The following PRDM10 variants were observed in gnomAD, a reference collection of about 807,000 sequenced individuals.
PRDM10 encodes PR/SET domain 10.
In PRDM10, 65 loss-of-function variants were observed where a neutral mutation model predicts 133.1. The observed-to-expected ratio is 0.49, with a 90% CI of 0.40 to 0.60. The LOEUF (loss-of-function observed/expected upper bound fraction) is 0.60, where lower values mean the gene tolerates loss of function less well. PRDM10 is among the 20% of genes least tolerant of loss of function. PRDM10 has a pLI of 0.00. For synonymous variants in PRDM10, 582 were observed against 580.4 expected, an observed-to-expected ratio of 1.00 and a Z score of -0.04; for missense variants, 1,137 against 1,507.1, an observed-to-expected ratio of 0.75 and a Z score of 4.07.
chr11:129,932,242 G>A lies in PRDM10; in HGVS notation c.1158-11C>T. The A allele has an allele frequency of 6.2e-7, 1 of 1,613,554 alleles. No homozygotes were observed. Among genetic ancestry groups the A allele is most frequent in the Non-Finnish European group, 8.5e-7 (1 of 1,179,566 alleles). ...CCTCTGCCTCTTGTTCTGGGGACAA[G>A]AGATTGGGTTACAGGTCGTCATGGT... On this transcript the variant is annotated splice_polypyrimidine_tract_variant and intron_variant, in intron 9 of 20. Transcript: ENST00000360871.
rs1381292674 is a variant in PRDM10, at chr11:129,912,159, A to G, written c.2908T>C (p.Tyr970His). Residue 970 changes from tyrosine to histidine, a missense_variant, in exon 18 of 21, where the codon TAC (tyrosine) becomes CAC (histidine). Physicochemically the swap from Tyr to His is moderately conservative, Grantham distance 83 (BLOSUM62 2). Transcript: ENST00000360871. ...DVGQLHDPQP[Y>H]PQHAIQVQHI... Reference sequence around the variant, plus strand: ...TGCACCTGGATGGCGTGCTGGGGGTAGGGCTGAGGATCATGGAGCTGGCCA... The same window carrying G: ...TGCACCTGGATGGCGTGCTGGGGGTGGGGCTGAGGATCATGGAGCTGGCCA... The G allele has an allele frequency of 1.9e-6, 3 of 1,612,578 alleles. No individual in the cohort carries two copies. In the African/African-American group the frequency reaches 4.0e-5, roughly 22 times the overall value.
intron 11 of PRDM10, among the ~76,000 whole-genome samples, chr11:129,925,788 T>C (rs1419939167): frequency 6.6e-6 from 1 of 152,194 alleles, no homozygotes; most frequent in Non-Finnish European, 1.5e-5. Context: ...AGGAAATGGA[T>C]ACCAGGTTTC....
intron 2 of PRDM10, among the ~76,000 whole-genome samples, chr11:129,958,408 G>A (rs138804425): frequency 0.07 from 10,681 of 152,142 alleles, 484 homozygotes; most frequent in Admixed American, 0.11. Flanking sequence ...TTGGGAGGCC[G>A]AGGCAGGTGG....
intron 10 of PRDM10, among the ~76,000 whole-genome samples, 176 bp from the exon 11 acceptor site, chr11:129,931,434 C>T (rs1950853681): frequency 6.6e-6 from 1 of 152,174 alleles, no homozygotes; most frequent in Non-Finnish European, 1.5e-5. Flanking sequence ...AGAGGTTCCA[C>T]ACCACTTAAC....
At chr11:129,932,883 A>C (rs2135821322) in intron 9 of PRDM10, among the ~76,000 whole-genome samples, 1 of 152,156 alleles carries the variant, frequency 6.6e-6, no homozygotes, top group South Asian at 2.1e-4. Flanking sequence ...CTCCCACCTC[A>C]GCGTCCCAAG....
chr11:129,957,989 G>C, intron 2 of PRDM10, 79 bp from the exon 3 acceptor site: 1 of 1,457,812 alleles, frequency 6.9e-7, no homozygotes, highest in Non-Finnish European at 9.3e-7. Context: ...GTTTCTAAAA[G>C]ATCCCCAATG....
intron 6 of PRDM10, among the ~76,000 whole-genome samples, chr11:129,943,705 C>G (rs563780057): frequency 1.7e-4 from 26 of 152,096 alleles, no homozygotes; most frequent in Non-Finnish European, 3.4e-4. Flanking sequence ...ATAAAAAATA[C>G]AAAAATTAGC....
chr11:129,983,376 GC>G (rs924899554), intron 1 of PRDM10, among the ~76,000 whole-genome samples: 6 of 150,200 alleles, frequency 4.0e-5, no homozygotes, highest in Non-Finnish European at 8.9e-5. Context: ...CTCACTGCAA[GC>G]TCTGCCTCCC....
At position 129,923,174 on chromosome 11, in the gene PRDM10, C is replaced by A; in HGVS notation, c.2034+74G>T. The A allele has an allele frequency of 6.9e-7, 1 of 1,441,248 alleles. No individual in the cohort carries two copies. 89.3% of individuals were successfully genotyped at this position (1,441,248 alleles called of 1,614,324 possible). The stretch of plus-strand genomic sequence containing the variant: ...GTGGGTGATAAACTGATGAAATGAA[C>A]AGGCATTTACCCTCAGCTTGCTATA... On this transcript the variant is annotated intron_variant, in intron 13 of 20. Coordinates refer to ENST00000360871, the MANE Select transcript of PRDM10 (RefSeq NM_199437.2). This position sits in a 1 kb window ranked among gnomAD's most constrained non-coding sequence, Gnocchi z 4.4.
intron 4 of PRDM10, among the ~76,000 whole-genome samples, chr11:129,951,911 T>C (rs1429383595): frequency 1.3e-5 from 2 of 148,740 alleles, no homozygotes; most frequent in African/African-American, 5.1e-5. Context: ...AATGGGAACC[T>C]TTTGGCTAAG....
Position 129,918,703 on chromosome 11 carries a change from G to C in PRDM10, c.2050C>G (p.Arg684Gly). The C allele has an allele frequency of 6.2e-7, 1 of 1,610,082 alleles. No individual in the cohort carries two copies. Among genetic ancestry groups the C allele is most frequent in the South Asian group, 1.1e-5 (1 of 90,452 alleles). ...GKQFKRKDKL[R>G]EHMQRMHNPE... ...TTATGCATCCTCTGCATGTGTTCCC[G>C]TAGTTTGTCTTTTCGCTATTTGGAG... The change falls in exon 14 of 21, where the codon CGG (arginine) becomes GGG (glycine). Residue 684 changes from arginine to glycine, a missense_variant. Physicochemically the swap from Arg to Gly is moderately radical, Grantham distance 125 (BLOSUM62 -2). Coordinates refer to ENST00000360871, the MANE Select transcript of PRDM10 (RefSeq NM_199437.2). The surrounding 1 kb of genome is among the most constrained non-coding windows in gnomAD (Gnocchi z 5.3).
intron 19 of PRDM10, among the ~76,000 whole-genome samples, chr11:129,906,301 G>A (rs545430549): frequency 3.1e-4 from 47 of 152,276 alleles, no homozygotes; most frequent in East Asian, 1.9e-4. Context: ...GTGGGGCATC[G>A]TGTCTTCCCA....
At chr11:129,938,031 A>G (rs1951089044) in intron 7 of PRDM10, among the ~76,000 whole-genome samples, 1 of 152,164 alleles carries the variant, frequency 6.6e-6, no homozygotes, top group African/African-American at 2.4e-5. Context: ...TTGCCACCAA[A>G]CAGCCCTTAC....
At chr11:129,943,161 C>T (rs1951269569) in intron 6 of PRDM10, among the ~76,000 whole-genome samples, 1 of 152,174 alleles carries the variant, frequency 6.6e-6, no homozygotes, top group African/African-American at 2.4e-5. Flanking sequence ...GAGTGGTTAT[C>T]CACAAAGCAA....
At position 129,923,503 on chromosome 11, in the gene PRDM10, T is replaced by C. The variant is rs147065675; in HGVS notation, c.1879-100A>G. 396 of 1,311,994 alleles carry C rather than the reference T, an allele frequency of 3.0e-4. 1 individual carries two copies. In the African/African-American group the frequency reaches 5.0e-3, roughly 17 times the overall value. The allele number at this position is 1,311,994 out of a possible 1,614,324, so 81.3% of individuals were successfully genotyped here. On this transcript the variant is annotated intron_variant, in intron 12 of 20. Coordinates refer to ENST00000360871, the MANE Select transcript of PRDM10 (RefSeq NM_199437.2). This position sits in a 1 kb window ranked among gnomAD's most constrained non-coding sequence, Gnocchi z 4.4. ...CTAGAGGGAGCCAAACGCATTACCATGGGTTTTCATCAACCCCGCCGAGGA... is the reference window on the plus strand; with the variant it reads ...CTAGAGGGAGCCAAACGCATTACCACGGGTTTTCATCAACCCCGCCGAGGA...
chr11:129,941,701 A>T (rs561360995), intron 7 of PRDM10, among the ~76,000 whole-genome samples: 1 of 152,210 alleles, frequency 6.6e-6, no homozygotes, highest in Admixed American at 6.5e-5. Flanking sequence ...ATGACATGAG[A>T]TAGTCAATAC....
rs532714728 is a variant in PRDM10 at position 129,901,290 on chromosome 11, T to C, written c.*1023A>G. ...TAATAAATAAGAAATGCCACCTTCCTGTCCAACTTTAAAGAATGTTCATTT... is the reference window on the plus strand; with the variant it reads ...TAATAAATAAGAAATGCCACCTTCCCGTCCAACTTTAAAGAATGTTCATTT... On this transcript the variant is annotated 3_prime_UTR_variant, in exon 21 of 21. Coordinates refer to ENST00000360871, the MANE Select transcript of PRDM10 (RefSeq NM_199437.2). The C allele has an allele frequency of 1.0e-4, 16 of 152,782 alleles. No individual in the cohort carries two copies. The East Asian group carries it at 1.3e-3, about 13-fold the overall frequency. 9.5% of individuals were successfully genotyped at this position (152,782 alleles called of 1,614,324 possible).
At chr11:129,935,742 AG>A (rs1401930869) in intron 8 of PRDM10, among the ~76,000 whole-genome samples, 2 of 152,236 alleles carry the variant, frequency 1.3e-5, no homozygotes, top group African/African-American at 4.8e-5. Context: ...GTTCACTAAA[AG>A]ACATATAAGA....
intron 1 of PRDM10, among the ~76,000 whole-genome samples, chr11:129,962,145 CTT>C (rs2135926909): frequency 6.6e-6 from 1 of 152,280 alleles, no homozygotes; most frequent in Admixed American, 6.5e-5. Flanking sequence ...CCTTACTAAA[CTT>C]TAACATGCAC....
Sources: gnomAD v4.1 joint callset for allele counts (sites outside exome capture counted in the v4.1 genomes callset) on GRCh38, gnomAD v4.1.1 for gene constraint, Gnocchi (gnomAD v3.1) non-coding constraint, MANE v1.5 for transcripts, NCBI Gene and HGNC (gene_info 2026-07-23, HGNC 2026-07-21) for gene names.